OSGIN2: variants seen among roughly 807,000 people sequenced by gnomAD.
The protein encoded by OSGIN2 is oxidative stress induced growth inhibitor family member 2.
A neutral mutation model predicts 53.8 loss-of-function variants in OSGIN2; 19 were observed. The ratio of observed to expected loss-of-function variants is 0.35; its 90% CI spans 0.25 to 0.52. The LOEUF (loss-of-function observed/expected upper bound fraction) is 0.52, where lower values mean the gene tolerates loss of function less well. Among genes scored for constraint, OSGIN2 ranks in the 20% least tolerant of loss-of-function variants. The pLI, the probability that OSGIN2 is intolerant of heterozygous loss-of-function variation, is 0.95. For missense variants in OSGIN2, 520 were observed against 662.7 expected (o/e 0.78, Z 2.36); for synonymous variants, 236 against 236.0 (o/e 1.00, Z 0.00).
chr8:89,913,777 A>G (rs1391773433), intron 2 of OSGIN2, among the ~76,000 whole-genome samples: 1 of 152,242 alleles, frequency 6.6e-6, no homozygotes. Context: ...GGGCCATTCT[A>G]TCAGGTAGAA....
Position 89,925,713 on chromosome 8 carries a change from A to G in OSGIN2, c.*181A>G. 1.9e-6 allele frequency: 1 copy of G among 523,832 alleles called. No individual in the cohort carries two copies. Among genetic ancestry groups the G allele is most frequent in the South Asian group, 3.3e-5 (1 of 30,462 alleles). The allele number at this position is 523,832 out of a possible 1,614,324, so 32.4% of individuals were successfully genotyped here. On this transcript the variant is annotated 3_prime_UTR_variant, in exon 6 of 6. Transcript: ENST00000451899. ...ATCCTGATTTATATTGCAGTGTTTC[A>G]AAGGTGTCACTGTCAGACAAATAGA...
In OSGIN2 at chr8:89,927,486, TA is replaced by T. The variant is rs2130723518; in HGVS notation, c.*1956del. 1 of 152,336 alleles carries T rather than the reference TA, an allele frequency of 6.6e-6. No individual in the cohort carries two copies. The highest frequency in any genetic ancestry group is 1.9e-4 in the East Asian group (1 of 5,184). The allele number at this position is 152,336 out of a possible 1,614,324, so 9.4% of individuals were successfully genotyped here. A position where few individuals can be genotyped will look rare whatever the true frequency, so the allele number is the denominator to read the frequency against. On this transcript the variant is annotated 3_prime_UTR_variant, in exon 6 of 6. Transcript: ENST00000451899. ...TCATGTTCTATAAATTTCTGTCCCGTAATTCTAACACTTTACATTTTTTCTT... is the reference window on the plus strand; with the variant it reads ...TCATGTTCTATAAATTTCTGTCCCGTATTCTAACACTTTACATTTTTTCTT...
At chr8:89,913,854 G>T (rs1325185815) in intron 2 of OSGIN2, among the ~76,000 whole-genome samples, 5 of 152,136 alleles carry the variant, frequency 3.3e-5, no homozygotes, top group Non-Finnish European at 7.4e-5. Flanking sequence ...AACTAATTTT[G>T]GATGTCAGTA....
Position 89,925,760 on chromosome 8 carries a change from C to T in OSGIN2, c.*228C>T. Reference sequence around the variant, plus strand: ...TAGAAACACTGCCAACTTGGTGTAACTTAAGCTTTCATTTAACTAAAACAT... The same window carrying T: ...TAGAAACACTGCCAACTTGGTGTAATTTAAGCTTTCATTTAACTAAAACAT... On this transcript the variant is annotated 3_prime_UTR_variant, in exon 6 of 6. Transcript: ENST00000451899. 2 of 437,082 alleles carry T rather than the reference C, an allele frequency of 4.6e-6. No homozygotes were observed. The highest frequency in any genetic ancestry group is 8.1e-6 in the Non-Finnish European group (2 of 246,328). 27.1% of individuals were successfully genotyped at this position (437,082 alleles called of 1,614,324 possible).
rs1809290043 is a variant in OSGIN2, at chr8:89,925,067, T to C, written c.1185T>C (p.Pro395=). 2 of 1,613,468 alleles carry C rather than the reference T, an allele frequency of 1.2e-6. No homozygotes were observed. The highest frequency in any genetic ancestry group is 1.1e-5 in the South Asian group (1 of 91,084). Residue 395 remains proline, a synonymous_variant, in exon 6 of 6, where the codon CCT becomes CCC. Coordinates refer to ENST00000451899, the MANE Select transcript of OSGIN2 (RefSeq NM_001126111.3). ...AACAGCTTCCCAAAAAGCTGTATCC[T>C]GAATATCATAAAGTCTATCATATGA... ...IFKQLPKKLY[P]EYHKVYHMMC...
Position 89,914,311 on chromosome 8 carries a change from AAAT to A in OSGIN2, c.336+101_336+103del, listed in dbSNP as rs1809033655. 1.4e-5 allele frequency: 11 copies of A among 795,522 alleles called. No individual in the cohort carries two copies. The East Asian group carries it at 2.9e-4, about 21-fold the overall frequency. 49.3% of individuals were successfully genotyped at this position (795,522 alleles called of 1,614,324 possible). A position where few individuals can be genotyped will look rare whatever the true frequency, so the allele number is the denominator to read the frequency against. ...TTTCTTAGTTGAAACCCCTTATTCT[AAAT>A]AACACCTTATATCATTTTTATTTTA... On this transcript the variant is annotated intron_variant, in intron 3 of 5. Transcript: ENST00000451899.
chr8:89,902,433 C>G (rs1000831051), upstream of OSGIN2: 3 of 152,054 alleles, frequency 2.0e-5, no homozygotes, highest in African/African-American at 7.2e-5. Flanking sequence ...GCCCCTCGCC[C>G]GGGCCGTGGC....
chr8:89,925,322 A>C lies in OSGIN2; in HGVS notation c.1440A>C (p.Pro480=). The C allele has an allele frequency of 6.2e-7, 1 of 1,614,158 alleles. No homozygotes were observed. The highest frequency in any genetic ancestry group is 8.5e-7 in the Non-Finnish European group (1 of 1,179,976). ...GCYLGHKSSQ[P]ITCKGNPVEI... ...ACCTAGGCCATAAGTCAAGCCAGCC[A>C]ATCACATGTAAGGGTAATCCTGTGG... The change falls in exon 6 of 6, where the codon CCA becomes CCC. Residue 480 remains proline (P), a synonymous_variant. Coordinates refer to ENST00000451899, the MANE Select transcript of OSGIN2 (RefSeq NM_001126111.3).
chr8:89,907,581 G>T (rs1472442825), intron 1 of OSGIN2, among the ~76,000 whole-genome samples: 1 of 151,970 alleles, frequency 6.6e-6, no homozygotes, highest in Admixed American at 6.6e-5. Flanking sequence ...GCAGGTGTGT[G>T]GTCTTATTTG....
intron 5 of OSGIN2, among the ~76,000 whole-genome samples, chr8:89,924,203 T>C (rs928934359): frequency 3.9e-5 from 6 of 152,200 alleles, no homozygotes; most frequent in African/African-American, 1.4e-4. Context: ...TTTAATACCT[T>C]CATTTAATGA....
chr8:89,903,249 A>G (rs933463813), intron 1 of OSGIN2, among the ~76,000 whole-genome samples: 2 of 152,268 alleles, frequency 1.3e-5, no homozygotes, highest in Non-Finnish European at 2.9e-5. Flanking sequence ...ACTACATTTC[A>G]GTGTCATCTA....
At chr8:89,920,407 G>A (rs140050259) in intron 4 of OSGIN2, among the ~76,000 whole-genome samples, 330 of 152,314 alleles carry the variant, frequency 2.2e-3, no homozygotes, top group African/African-American at 7.6e-3. Flanking sequence ...AGAGATCATA[G>A]AGGTCATAGG....
intron 4 of OSGIN2, among the ~76,000 whole-genome samples, chr8:89,919,106 A>G (rs2697674): frequency 0.53 from 80,167 of 152,056 alleles, 23,992 homozygotes; most frequent in African/African-American, 0.83. Context: ...ACCATACTCC[A>G]ATCTAGCCCT....
chr8:89,920,927 G>A (rs1295579934), intron 4 of OSGIN2, among the ~76,000 whole-genome samples, 153 bp from the exon 5 acceptor site: 1 of 152,156 alleles, frequency 6.6e-6, no homozygotes, highest in South Asian at 2.1e-4. Context: ...TGTTTTTGAG[G>A]TAAGTTAGCC....
intron 1 of OSGIN2, among the ~76,000 whole-genome samples, chr8:89,907,744 CTT>C (rs1808870904): frequency 6.6e-6 from 1 of 152,104 alleles, no homozygotes. Context: ...TATTTAGGCT[CTT>C]TTTTGGTTTC....
chr8:89,912,079 T>C (rs1808979943), intron 2 of OSGIN2, among the ~76,000 whole-genome samples: 1 of 152,276 alleles, frequency 6.6e-6, no homozygotes, highest in Non-Finnish European at 1.5e-5. Flanking sequence ...ACTTTTCTTA[T>C]ATCTTTGAGT....
chr8:89,906,536 T>C lies in OSGIN2; in HGVS notation c.45-3031T>C, dbSNP rs188831598. Among the ~76,000 whole-genome samples the C allele has an allele frequency of 3.8e-3, 576 of 152,264 alleles. 4 individuals carry two copies. The highest frequency in any genetic ancestry group is 0.013 in the African/African-American group (535 of 41,538). On this transcript the variant is annotated intron_variant, in intron 1 of 5. Coordinates refer to ENST00000451899, the MANE Select transcript of OSGIN2 (RefSeq NM_001126111.3). The stretch of plus-strand genomic sequence containing the variant: ...ATAAGTGACAACATGTGGTCTTTGG[T>C]TTTCTGTTCCTGTGTTAGTTTGCTA...
At chr8:89,922,741 A>T (rs548240989) in intron 5 of OSGIN2, among the ~76,000 whole-genome samples, 1 of 152,150 alleles carries the variant, frequency 6.6e-6, no homozygotes, top group African/African-American at 2.4e-5. Context: ...AATGATGGTG[A>T]TATGTTCTGA....
rs200666313 is a variant in OSGIN2 at position 89,914,602 on chromosome 8, A to G, written c.384A>G (p.Pro128=). 6.2e-6 allele frequency: 10 copies of G among 1,614,002 alleles called. No individual in the cohort carries two copies. In the Admixed American group the frequency reaches 1.2e-4, roughly 19 times the overall value. ...GCCTTGAGGGCCGATCATCCAATCC[A>G]GTTGCAGTACTTTTCGATACACTTC... is the stretch of plus-strand genomic sequence containing the variant. ...SEGLEGRSSN[P]VAVLFDTLLH... Residue 128 remains proline, a synonymous_variant, in exon 4 of 6, where the codon CCA becomes CCG. Transcript: ENST00000451899.
Sources: allele counts gnomAD v4.1 joint callset (sites outside exome capture counted in the v4.1 genomes callset), GRCh38; gene constraint gnomAD v4.1.1; transcripts MANE v1.5; gene names NCBI Gene and HGNC (gene_info 2026-07-23, HGNC 2026-07-21).